COLEC12: variants seen among roughly 807,000 people sequenced by gnomAD.
The protein encoded by COLEC12 is collectin subfamily member 12, also known as collectin-12.
Under a neutral mutation model 71.1 loss-of-function variants are expected in COLEC12, and 33 were observed. The observed-to-expected ratio is 0.46, with a 90% CI of 0.35 to 0.62. The LOEUF (loss-of-function observed/expected upper bound fraction) is 0.62. Among genes scored for constraint, COLEC12 ranks in the 20% least tolerant of loss-of-function variants. COLEC12 has a pLI of 0.00. For synonymous variants in COLEC12, 350 were observed against 353.0 expected (o/e 0.99, Z 0.10); for missense variants, 765 against 916.1 (o/e 0.84, Z 2.13).
intron 2 of COLEC12, among the ~76,000 whole-genome samples, chr18:459,640 C>A (rs750752866): frequency 6.6e-6 from 1 of 152,210 alleles, no homozygotes; most frequent in East Asian, 1.9e-4. Context: ...CAGCAGGTGC[C>A]CTATGCACAC....
rs10547166 is a variant in COLEC12 at position 436,525 on chromosome 18, A to AGG, written c.58+44180_58+44181dup. ...AGCGAGACTCCATCTCAAAAAAAAA[A>AGG]GGGGGGGGGGGGGGAAACAGGGGTG... On this transcript the variant is annotated intron_variant, in intron 2 of 9. Coordinates refer to ENST00000400256, the MANE Select transcript of COLEC12 (RefSeq NM_130386.3). 4.1e-4 allele frequency among the ~76,000 whole-genome samples: 41 copies of AGG among 98,930 alleles called. 1 individual carries two copies. The highest frequency in any genetic ancestry group is 6.8e-4 in the African/African-American group (16 of 23,572). 64.9% of individuals were successfully genotyped at this position (98,930 alleles called of 152,430 possible).
rs1044127283 is a variant in COLEC12, at chr18:327,988, C to A, written c.2063+3680G>T. On this transcript the variant is annotated intron_variant, in intron 8 of 9. Coordinates refer to ENST00000400256, the MANE Select transcript of COLEC12 (RefSeq NM_130386.3). This position sits in a 1 kb window ranked among gnomAD's most constrained non-coding sequence, Gnocchi z 4.0. ...CTTCTTTGTTATTAGGCTGGCCAGG[C>A]TATTTCTTCCTTTTTTTTTCCTCGT... Among the ~76,000 whole-genome samples, 11 of 152,054 alleles carry A rather than the reference C, an allele frequency of 7.2e-5. No individual in the cohort carries two copies. The highest frequency in any genetic ancestry group is 6.6e-5 in the Admixed American group (1 of 15,262).
At chr18:368,448 C>T (rs1423400872) in intron 2 of COLEC12, among the ~76,000 whole-genome samples, 3 of 152,118 alleles carry the variant, frequency 2.0e-5, no homozygotes, top group Non-Finnish European at 4.4e-5. Context: ...GTGGCACATG[C>T]CTGTAGTCCC....
rs5822558 is a variant in COLEC12, at chr18:335,244, G to GA, written c.1328-15dup. ...GGCCCGGTGGACCTAAAGCATAAAA[G>GA]AAAAAGGTGTCAACATGAAATCCAC... On this transcript the variant is annotated splice_polypyrimidine_tract_variant and intron_variant, in intron 5 of 9. Transcript: ENST00000400256. The GA allele has an allele frequency of 0.13, 210,778 of 1,567,430 alleles. 16,276 individuals carry two copies. Among genetic ancestry groups the GA allele is most frequent in the East Asian group, 0.34 (14,561 of 43,436 alleles).
chr18:406,627 TTACTC>T (rs1460058062), intron 2 of COLEC12, among the ~76,000 whole-genome samples: 1 of 152,200 alleles, frequency 6.6e-6, no homozygotes, highest in Non-Finnish European at 1.5e-5. Flanking sequence ...TGCTTTCACT[TTACTC>T]TATGGACTCA....
intron 3 of COLEC12, among the ~76,000 whole-genome samples, chr18:350,270 CT>C (rs1567880748): frequency 6.6e-6 from 1 of 152,162 alleles, no homozygotes; most frequent in Non-Finnish European, 1.5e-5. Flanking sequence ...TGGGTTTCCA[CT>C]TTTTCATCTT....
intron 2 of COLEC12, among the ~76,000 whole-genome samples, chr18:423,529 G>C (rs927486672): frequency 3.2e-4 from 48 of 151,938 alleles, no homozygotes; most frequent in African/African-American, 1.1e-3. Flanking sequence ...CATGATGATA[G>C]TTGTTCAAAT....
chr18:391,160 C>G (rs1316274388), intron 2 of COLEC12, among the ~76,000 whole-genome samples: 78 of 152,174 alleles, frequency 5.1e-4, no homozygotes, highest in Admixed American at 5.1e-3. Flanking sequence ...GTGAGGAGGG[C>G]TATTGGTGTG....
intron 2 of COLEC12, among the ~76,000 whole-genome samples, chr18:453,322 G>T (rs141309868): frequency 3.8e-4 from 58 of 152,320 alleles, no homozygotes; most frequent in African/African-American, 1.4e-3. Flanking sequence ...AGAAAGAAAT[G>T]AGAGGGAGAA....
At chr18:440,028 A>G (rs987017502) in intron 2 of COLEC12, among the ~76,000 whole-genome samples, 2 of 150,788 alleles carry the variant, frequency 1.3e-5, no homozygotes, top group Non-Finnish European at 3.0e-5. Flanking sequence ...ATTCAGCCAT[A>G]AGAAAGAAGG....
chr18:413,221 T>C (rs934090000), intron 2 of COLEC12, among the ~76,000 whole-genome samples: 4 of 152,174 alleles, frequency 2.6e-5, no homozygotes, highest in Non-Finnish European at 5.9e-5. Context: ...AGAAGACAGA[T>C]GGATGGCAAA....
At chr18:370,722 G>A (rs1914981339) in intron 2 of COLEC12, among the ~76,000 whole-genome samples, 1 of 152,126 alleles carries the variant, frequency 6.6e-6, no homozygotes, top group African/African-American at 2.4e-5. Flanking sequence ...TCCCAGGGAT[G>A]GTCTCAGCTT....
chr18:374,254 T>A (rs1304110661), intron 2 of COLEC12, among the ~76,000 whole-genome samples: 1 of 152,244 alleles, frequency 6.6e-6, no homozygotes, highest in Non-Finnish European at 1.5e-5. Flanking sequence ...TTTATCTTTC[T>A]ATACTGATAA....
intron 2 of COLEC12, among the ~76,000 whole-genome samples, chr18:437,540 C>G (rs528645193): frequency 6.6e-6 from 1 of 151,950 alleles, no homozygotes; most frequent in South Asian, 2.1e-4. Context: ...CACAGAATGA[C>G]GAACTTGCAG....
In COLEC12 at chr18:420,937, C is replaced by T. The variant is rs574843195; in HGVS notation, c.58+59770G>A. 2.3e-4 allele frequency among the ~76,000 whole-genome samples: 35 copies of T among 152,218 alleles called. 1 individual carries two copies. The highest frequency in any genetic ancestry group is 7.2e-4 in the African/African-American group (30 of 41,534). ...GCAATGCTCCTCTCTCCTAATCATC[C>T]CAGGGCCAGGTACCAAGCAACTAGG... is the stretch of plus-strand genomic sequence containing the variant. On this transcript the variant is annotated intron_variant, in intron 2 of 9. Coordinates refer to ENST00000400256, the MANE Select transcript of COLEC12 (RefSeq NM_130386.3).
intron 2 of COLEC12, among the ~76,000 whole-genome samples, chr18:464,649 T>C (rs1211427873): frequency 6.6e-6 from 1 of 152,184 alleles, no homozygotes; most frequent in Non-Finnish European, 1.5e-5. Flanking sequence ...ACAGTAGAGA[T>C]ACGTTGATCT....
Position 473,798 on chromosome 18 carries a change from G to A in COLEC12, c.58+6909C>T, listed in dbSNP as rs1412620627. The stretch of plus-strand genomic sequence containing the variant: ...GAAACAACCTAAATGTCTTCATGCT[G>A]TCTTAACCAAAACAGAGCTGAGTAG... On this transcript the variant is annotated intron_variant, in intron 2 of 9. Transcript: ENST00000400256. Among the ~76,000 whole-genome samples, 3 of 152,108 alleles carry A rather than the reference G, an allele frequency of 2.0e-5. No individual in the cohort carries two copies. In the East Asian group the frequency reaches 5.8e-4, roughly 29 times the overall value.
chr18:443,115 T>C (rs919252199), intron 2 of COLEC12, among the ~76,000 whole-genome samples: 6 of 152,194 alleles, frequency 3.9e-5, no homozygotes, highest in Non-Finnish European at 8.8e-5. Flanking sequence ...CATATATTAG[T>C]TAATACGGAA....
At chr18:407,710 C>T (rs34873983) in intron 2 of COLEC12, among the ~76,000 whole-genome samples, 18,471 of 152,236 alleles carry the variant, frequency 0.12, 1,188 homozygotes, top group African/African-American at 0.15. Flanking sequence ...CACAGACACA[C>T]AACAATGTGT....
Sources: gnomAD v4.1 joint callset for allele counts (sites outside exome capture counted in the v4.1 genomes callset) on GRCh38, gnomAD v4.1.1 for gene constraint, Gnocchi (gnomAD v3.1) non-coding constraint, MANE v1.5 for transcripts, NCBI Gene and HGNC (gene_info 2026-07-23, HGNC 2026-07-21) for gene names.